The following TAS2R1 variants were observed in gnomAD, a reference collection of about 807,000 sequenced individuals.
TAS2R1 encodes taste 2 receptor member 1.
For synonymous variants in TAS2R1, 141 were observed against 134.2 expected, an observed-to-expected ratio of 1.05 and a Z score of -0.35; for missense variants, 370 against 353.4, an observed-to-expected ratio of 1.05 and a Z score of -0.38.
the TAS2R1 span, among the ~76,000 whole-genome samples, chr5:9,731,454 G>A: frequency 5.0e-3 from 763 of 152,036 alleles, 2 homozygotes; most frequent in African/African-American, 0.017. Flanking sequence ...CCTGGAGTCT[G>A]CCCCCACCCA....
the TAS2R1 span, among the ~76,000 whole-genome samples, chr5:9,860,855 G>A: frequency 6.6e-6 from 1 of 152,246 alleles, no homozygotes; most frequent in Admixed American, 6.5e-5. Flanking sequence ...TGTGGGAGCA[G>A]TTAAAAAGGG....
chr5:9,901,721 G>T, the TAS2R1 span, among the ~76,000 whole-genome samples: 1 of 152,148 alleles, frequency 6.6e-6, no homozygotes, highest in Admixed American at 6.5e-5. Context: ...AGCATGAAGC[G>T]ATGTGGATCC....
At chr5:9,656,114 G>A (rs1740413510) in intron 2 of TAS2R1, among the ~76,000 whole-genome samples, 1 of 152,058 alleles carries the variant, frequency 6.6e-6, no homozygotes, top group Non-Finnish European at 1.5e-5. Context: ...GTTCTGTAAG[G>A]GCAATGCTAC....
the TAS2R1 span, among the ~76,000 whole-genome samples, chr5:9,725,724 C>T: frequency 2.0e-5 from 3 of 152,218 alleles, no homozygotes; most frequent in African/African-American, 7.2e-5. Context: ...GCACACGGCA[C>T]GGGACTGGCA....
At chr5:9,702,206 A>T (rs1391547972) in intron 1 of TAS2R1, among the ~76,000 whole-genome samples, 2 of 152,232 alleles carry the variant, frequency 1.3e-5, no homozygotes, top group Admixed American at 1.3e-4. Context: ...ACAATTTTGC[A>T]TGTGTGGGTG....
At chr5:9,852,702 G>A in the TAS2R1 span, among the ~76,000 whole-genome samples, 4 of 152,228 alleles carry the variant, frequency 2.6e-5, no homozygotes, top group African/African-American at 9.6e-5. Flanking sequence ...TGAGACAGTC[G>A]GGCAATAGCC....
At chr5:9,823,955 G>A in the TAS2R1 span, among the ~76,000 whole-genome samples, 1 of 152,316 alleles carries the variant, frequency 6.6e-6, no homozygotes, top group Admixed American at 6.5e-5. Context: ...CAAGCCACAT[G>A]GAGTGGTGCT....
At chr5:9,776,435 T>A in the TAS2R1 span, among the ~76,000 whole-genome samples, 1 of 152,324 alleles carries the variant, frequency 6.6e-6, no homozygotes, top group South Asian at 2.1e-4. Flanking sequence ...CTTTTGGTTT[T>A]TATGAAGGTG....
the TAS2R1 span, among the ~76,000 whole-genome samples, chr5:9,853,435 T>G: frequency 1.0e-3 from 158 of 152,336 alleles, no homozygotes; most frequent in African/African-American, 3.7e-3. Flanking sequence ...ATGGTAACTT[T>G]CAGGACATTG....
the TAS2R1 span, among the ~76,000 whole-genome samples, chr5:9,796,938 G>A: frequency 1.3e-5 from 2 of 152,044 alleles, no homozygotes; most frequent in African/African-American, 4.8e-5. Context: ...CCCTTCACAG[G>A]ACTGTCCTTA....
chr5:9,791,199 CACAT>C, the TAS2R1 span, among the ~76,000 whole-genome samples: 1 of 152,136 alleles, frequency 6.6e-6, no homozygotes, highest in African/African-American at 2.4e-5. Context: ...AACACACACA[CACAT>C]ACACACACAC....
the TAS2R1 span, among the ~76,000 whole-genome samples, chr5:9,761,351 C>G: frequency 7.0e-6 from 1 of 143,538 alleles, no homozygotes; most frequent in Admixed American, 7.0e-5. Context: ...GGAAGCTAGA[C>G]AAGAATTAAA....
intron 1 of TAS2R1, among the ~76,000 whole-genome samples, chr5:9,661,370 G>C (rs1454902296): frequency 2.0e-5 from 3 of 152,178 alleles, no homozygotes; most frequent in African/African-American, 7.2e-5. Context: ...AATCACAGCA[G>C]GGTCATTTAG....
At chr5:9,686,548 T>C (rs1386140855) in intron 1 of TAS2R1, among the ~76,000 whole-genome samples, 1 of 151,916 alleles carries the variant, frequency 6.6e-6, no homozygotes. Flanking sequence ...TTAGCTTTAT[T>C]TACAAGAGTA....
chr5:9,872,292 T>C, the TAS2R1 span, among the ~76,000 whole-genome samples: 1 of 152,172 alleles, frequency 6.6e-6, no homozygotes, highest in Non-Finnish European at 1.5e-5. Flanking sequence ...ACTTTTTATT[T>C]TCTAGACTGT....
chr5:9,822,488 T>C, the TAS2R1 span, among the ~76,000 whole-genome samples: 2 of 151,910 alleles, frequency 1.3e-5, no homozygotes, highest in African/African-American at 4.8e-5. Context: ...TAGCTGGGAC[T>C]ACAGGTGTGT....
chr5:9,820,507 A>G, the TAS2R1 span, among the ~76,000 whole-genome samples: 168 of 152,334 alleles, frequency 1.1e-3, no homozygotes, highest in African/African-American at 3.8e-3. Context: ...GAATCACCAG[A>G]AAAGTTGGTT....
the TAS2R1 span, among the ~76,000 whole-genome samples, chr5:9,752,972 A>C: frequency 6.6e-6 from 1 of 152,172 alleles, no homozygotes; most frequent in Non-Finnish European, 1.5e-5. Flanking sequence ...GCTTGGTTCC[A>C]AGTCTTTGCT....
chr5:9,721,025 G>C, the TAS2R1 span, among the ~76,000 whole-genome samples: 2 of 151,704 alleles, frequency 1.3e-5, no homozygotes, highest in African/African-American at 2.4e-5. Context: ...CAGGGCAGTA[G>C]CTAAGAACTG....
Sources: allele counts gnomAD v4.1 joint callset (sites outside exome capture counted in the v4.1 genomes callset), GRCh38; gene constraint gnomAD v4.1.1; transcripts MANE v1.5; gene names NCBI Gene and HGNC (gene_info 2026-07-23, HGNC 2026-07-21).